The following RFX6 variants were observed in gnomAD, a reference collection of about 807,000 sequenced individuals.
The protein encoded by RFX6 is regulatory factor X6.
A neutral mutation model predicts 110.8 loss-of-function variants in RFX6; 50 were observed. The observed-to-expected ratio is 0.45, with a 90% CI of 0.36 to 0.57. The LOEUF (loss-of-function observed/expected upper bound fraction) is 0.57, where lower values mean the gene tolerates loss of function less well. Ranked by LOEUF, RFX6 falls within the 20% of genes least tolerant of loss-of-function variation. RFX6 has a pLI of 0.00. For synonymous variants in RFX6, 383 were observed against 411.2 expected (o/e 0.93, Z 0.83); for missense variants, 990 against 1,127.0 (o/e 0.88, Z 1.74).
At chr6:116,890,682 T>A (rs996319425) in intron 4 of RFX6, among the ~76,000 whole-genome samples, 2 of 152,214 alleles carry the variant, frequency 1.3e-5, no homozygotes, top group Non-Finnish European at 2.9e-5. Context: ...TGAGTGTAGC[T>A]GACCAAGTCA....
intron 2 of RFX6, 73 bp from the exon 3 acceptor site, chr6:116,880,471 G>T: frequency 7.1e-7 from 1 of 1,407,672 alleles, no homozygotes; most frequent in Non-Finnish European, 9.9e-7. Flanking sequence ...TTCAAAATGG[G>T]TAATAAGTCA....
intron 6 of RFX6, among the ~76,000 whole-genome samples, chr6:116,900,028 GAAGA>G (rs1345197244): frequency 6.6e-6 from 1 of 152,156 alleles, no homozygotes. Flanking sequence ...ATAAACGCAT[GAAGA>G]AAGGAGTACC....
chr6:116,879,541 A>G (rs1392969396), intron 2 of RFX6, among the ~76,000 whole-genome samples: 1 of 151,878 alleles, frequency 6.6e-6, no homozygotes, highest in Non-Finnish European at 1.5e-5. Context: ...TTCAGGGAAT[A>G]CTTTCTTTAG....
At chr6:116,901,562 GAA>G (rs1775075663) in intron 6 of RFX6, among the ~76,000 whole-genome samples, 1 of 152,136 alleles carries the variant, frequency 6.6e-6, no homozygotes, top group African/African-American at 2.4e-5. Context: ...GATAAACAAA[GAA>G]TGACTAACAG....
intron 7 of RFX6, among the ~76,000 whole-genome samples, chr6:116,911,256 G>A (rs1191471425): frequency 6.6e-6 from 1 of 151,982 alleles, no homozygotes; most frequent in Non-Finnish European, 1.5e-5. Context: ...ATCAGAAGGT[G>A]GTAAAATAAA....
chr6:116,885,639 C>T (rs1774684570), intron 4 of RFX6, among the ~76,000 whole-genome samples: 1 of 152,108 alleles, frequency 6.6e-6, no homozygotes, highest in African/African-American at 2.4e-5. Flanking sequence ...GGGAAGCCTA[C>T]TACTTTTTTT....
At position 116,926,975 on chromosome 6, in the gene RFX6, G is replaced by A; in HGVS notation, c.1886-52G>A. On this transcript the variant is annotated intron_variant, in intron 16 of 18. Coordinates refer to ENST00000332958, the MANE Select transcript of RFX6 (RefSeq NM_173560.4). Reference sequence around the variant, plus strand: ...TTTTGAATATTTTTTAAAGATGTGAGCTCATCTACTTTAATATGACACTAA... The same window carrying A: ...TTTTGAATATTTTTTAAAGATGTGAACTCATCTACTTTAATATGACACTAA... 2.1e-6 allele frequency: 3 copies of A among 1,450,162 alleles called. No homozygotes were observed. The South Asian group carries it at 3.4e-5, about 17-fold the overall frequency. 89.8% of individuals were successfully genotyped at this position (1,450,162 alleles called of 1,614,324 possible).
chr6:116,927,125 G>T lies in RFX6; in HGVS notation c.1984G>T (p.Ala662Ser), dbSNP rs750504575. The part of the protein sequence containing the change: ...RGSVINQGPM[A>S]GRPPSVGPVL... ...AAGTGTCATTAACCAAGGACCAATGGCAGGGAGGCCCCCAAGTGTGGGCCC... is the reference window on the plus strand; with the variant it reads ...AAGTGTCATTAACCAAGGACCAATGTCAGGGAGGCCCCCAAGTGTGGGCCC... The change falls in exon 17 of 19, where the codon GCA becomes TCA. Residue 662 changes from alanine to serine, a missense_variant. Physicochemically the swap from Ala to Ser is moderately conservative, Grantham distance 99. This residue lies in a region of RFX6 where 438 missense variants were observed against 441.9 expected (regional missense o/e 0.99). Coordinates refer to ENST00000332958, the MANE Select transcript of RFX6 (RefSeq NM_173560.4). The T allele has an allele frequency of 1.9e-6, 3 of 1,614,126 alleles. No homozygotes were observed. The highest frequency in any genetic ancestry group is 1.1e-5 in the South Asian group (1 of 91,076).
chr6:116,895,396 A>T (rs541153972), intron 6 of RFX6, among the ~76,000 whole-genome samples, 189 bp downstream of exon 6: 1 of 152,262 alleles, frequency 6.6e-6, no homozygotes, highest in South Asian at 2.1e-4. Flanking sequence ...TGGATCTACC[A>T]AACAACTTTC....
intron 4 of RFX6, among the ~76,000 whole-genome samples, chr6:116,889,588 A>G (rs1172662933): frequency 6.6e-6 from 1 of 152,144 alleles, no homozygotes; most frequent in Non-Finnish European, 1.5e-5. Flanking sequence ...GAAGAAGGGT[A>G]TTCCCAATGG....
rs201938108 is a variant in RFX6 at position 116,911,009 on chromosome 6, C to G, written c.747C>G (p.His249Gln). ...TLLPEFPSAQHLVYQGCISKD... is the reference protein window; with the variant it reads ...TLLPEFPSAQQLVYQGCISKD... ...TTCCAGAATTCCCCAGCGCTCAACA[C>G]CTTGTATACCAAGGATGCATTTCTA... Residue 249 changes from histidine to glutamine, a missense_variant, in exon 7 of 19, where the codon CAC becomes CAG. Physicochemically the swap from His to Gln is conservative, Grantham distance 24. Around this residue, in one of 5 missense-constraint regions of RFX6, gnomAD observed 243 missense variants for 353.1 expected, o/e 0.69. Transcript: ENST00000332958. 1.2e-5 allele frequency: 19 copies of G among 1,612,582 alleles called. No individual in the cohort carries two copies. Among genetic ancestry groups the G allele is most frequent in the Non-Finnish European group, 1.5e-5 (18 of 1,178,780 alleles).
rs1775759583 is a variant in RFX6, at chr6:116,927,192, C to A, written c.2051C>A (p.Pro684His). 1 of 1,614,040 alleles carries A rather than the reference C, an allele frequency of 6.2e-7. No individual in the cohort carries two copies. Among genetic ancestry groups the A allele is most frequent in the African/African-American group, 1.3e-5 (1 of 74,924 alleles). Residue 684 changes from proline to histidine, a missense_variant, in exon 17 of 19, where the codon CCC (proline) becomes CAC (histidine). Physicochemically the swap from Pro to His is moderately conservative, Grantham distance 77. This residue lies in a region of RFX6 where 438 missense variants were observed against 441.9 expected (regional missense o/e 0.99). Transcript: ENST00000332958. ...TCACACTGCTCCACATACCCAGAGC[C>A]CATTTATCCCACTCTCCCTCAAGCC... The part of the protein sequence containing the change: ...APSHCSTYPE[P>H]IYPTLPQANH...
chr6:116,906,343 C>T (rs1391621384), intron 6 of RFX6, among the ~76,000 whole-genome samples: 1 of 152,066 alleles, frequency 6.6e-6, no homozygotes, highest in Non-Finnish European at 1.5e-5. Context: ...TTTTGGCTAC[C>T]CAGGGTCCCT....
intron 4 of RFX6, among the ~76,000 whole-genome samples, chr6:116,890,763 AC>A (rs1295079348): frequency 6.6e-6 from 1 of 152,176 alleles, no homozygotes; most frequent in Non-Finnish European, 1.5e-5. Flanking sequence ...TAAAATACAT[AC>A]ATTAATTAAA....
chr6:116,898,742 A>G (rs1288638237), intron 6 of RFX6, among the ~76,000 whole-genome samples: 1 of 152,152 alleles, frequency 6.6e-6, no homozygotes, highest in Non-Finnish European at 1.5e-5. Context: ...AAGTTGAGGT[A>G]GCTTCTGTTT....
At chr6:116,924,546 G>A in intron 14 of RFX6, 123 bp from the exon 15 acceptor site, 2 of 869,152 alleles carry the variant, frequency 2.3e-6, no homozygotes, top group Non-Finnish European at 3.9e-6. Flanking sequence ...TATTTCAGTT[G>A]CTCCTTGTAA....
chr6:116,893,678 G>C (rs1167364057), intron 4 of RFX6, among the ~76,000 whole-genome samples: 1 of 152,118 alleles, frequency 6.6e-6, no homozygotes, highest in East Asian at 1.9e-4. Context: ...CATATACTTA[G>C]AGCCAAAGCC....
rs753030014 is a variant in RFX6 at position 116,916,273 on chromosome 6, A to G, written c.931A>G (p.Ile311Val). The change falls in exon 9 of 19, where the codon ATC (isoleucine) becomes GTC (valine). Residue 311 changes from isoleucine to valine, a missense_variant. Physicochemically the swap from Ile to Val is conservative, Grantham distance 29 (BLOSUM62 3). Around this residue, in one of 5 missense-constraint regions of RFX6, gnomAD observed 243 missense variants for 353.1 expected, o/e 0.69. Transcript: ENST00000332958. ...HLLPLLENPV[I>V]IDIFCVCDSI... ...CCTTCCCCTGCTCGAAAATCCTGTTATCATTGATATTTTCTGTGTTTGTGA... is the reference window on the plus strand; with the variant it reads ...CCTTCCCCTGCTCGAAAATCCTGTTGTCATTGATATTTTCTGTGTTTGTGA... 5.0e-6 allele frequency: 8 copies of G among 1,612,322 alleles called. No homozygotes were observed. In the South Asian group the frequency reaches 6.6e-5, roughly 13 times the overall value.
rs564140465 is a variant in RFX6, at chr6:116,921,694, G to A, written c.1328-348G>A. On this transcript the variant is annotated intron_variant, in intron 12 of 18. Transcript: ENST00000332958. ...TTAATTTAGGCAGGCTTGTTGGTGC[G>A]TGCCTGGAGTCCCAACTGCTTGGGA... 3.2e-4 allele frequency among the ~76,000 whole-genome samples: 48 copies of A among 150,400 alleles called. No individual in the cohort carries two copies. In the South Asian group the frequency reaches 6.3e-3, roughly 20 times the overall value.
Sources: gnomAD v4.1 joint callset for allele counts (sites outside exome capture counted in the v4.1 genomes callset) on GRCh38, gnomAD v4.1.1 for gene constraint, gnomAD v4.1.1 regional missense constraint, MANE v1.5 for transcripts, NCBI Gene and HGNC (gene_info 2026-07-23, HGNC 2026-07-21) for gene names.